The following LYPLAL1 variants were observed in gnomAD, a reference collection of about 807,000 sequenced individuals.
LYPLAL1 encodes lysophospholipase like 1.
Under a neutral mutation model 19.7 loss-of-function variants are expected in LYPLAL1, and 23 were observed. That is an observed-to-expected ratio of 1.17 (90% CI 0.84 to 1.65). LYPLAL1 has a LOEUF of 1.65. LYPLAL1 is among the 40% of genes most tolerant of loss of function. The probability of loss-of-function intolerance (pLI) is 0.00; values close to 1 mark genes in which losing one functional copy is unlikely to be tolerated. For missense variants in LYPLAL1, 355 were observed against 279.4 expected (o/e 1.27, Z -1.93); for synonymous variants, 119 against 96.3 (o/e 1.24, Z -1.38).
At chr1:219,444,157 G>T in the LYPLAL1 span, among the ~76,000 whole-genome samples, 1 of 152,216 alleles carries the variant, frequency 6.6e-6, no homozygotes, top group African/African-American at 2.4e-5. Flanking sequence ...TTAAGAAACA[G>T]TAGAACCCCC....
chr1:219,181,046 G>A (rs1656233536), intron 2 of LYPLAL1, among the ~76,000 whole-genome samples: 1 of 152,050 alleles, frequency 6.6e-6, no homozygotes, highest in African/African-American at 2.4e-5. Context: ...AAATTTAAAT[G>A]TTCTTGATAC....
At chr1:219,227,683 A>G in the LYPLAL1 span, among the ~76,000 whole-genome samples, 2 of 152,224 alleles carry the variant, frequency 1.3e-5, no homozygotes, top group Admixed American at 1.3e-4. Context: ...CATTTAAAAA[A>G]TTTAATCTTA....
chr1:219,296,340 G>A, the LYPLAL1 span, among the ~76,000 whole-genome samples: 1 of 152,194 alleles, frequency 6.6e-6, no homozygotes, highest in Non-Finnish European at 1.5e-5. Context: ...GGCCTCTGGG[G>A]TTCTGCACCT....
chr1:219,236,655 TA>T, the LYPLAL1 span, among the ~76,000 whole-genome samples: 1 of 152,236 alleles, frequency 6.6e-6, no homozygotes, highest in East Asian at 1.9e-4. Flanking sequence ...TGTGACAGTG[TA>T]AAGTATCAAA....
At chr1:219,264,214 A>G in the LYPLAL1 span, among the ~76,000 whole-genome samples, 1 of 152,212 alleles carries the variant, frequency 6.6e-6, no homozygotes, top group Non-Finnish European at 1.5e-5. Flanking sequence ...CTAACAGCTG[A>G]ATATTTACTA....
the LYPLAL1 span, among the ~76,000 whole-genome samples, chr1:219,319,867 A>G: frequency 3.9e-5 from 6 of 152,340 alleles, no homozygotes; most frequent in Middle Eastern, 3.4e-3. Flanking sequence ...AATAGTTAAC[A>G]TATCCATCCT....
the LYPLAL1 span, among the ~76,000 whole-genome samples, chr1:219,442,292 T>A: frequency 6.6e-6 from 1 of 152,210 alleles, no homozygotes; most frequent in Non-Finnish European, 1.5e-5. Context: ...AGTAAATAAA[T>A]GTTTTTGAAA....
At chr1:219,278,356 ACAATT>A in the LYPLAL1 span, among the ~76,000 whole-genome samples, 146 of 152,360 alleles carry the variant, frequency 9.6e-4, 1 homozygote, top group African/African-American at 2.7e-3. Context: ...AGAGAAAAAA[ACAATT>A]TAACAATTTA....
At chr1:219,319,557 T>C in the LYPLAL1 span, among the ~76,000 whole-genome samples, 1 of 152,120 alleles carries the variant, frequency 6.6e-6, no homozygotes, top group Non-Finnish European at 1.5e-5. Flanking sequence ...AAACCTTTTC[T>C]CCGCACTCCT....
At chr1:219,427,444 C>T in the LYPLAL1 span, among the ~76,000 whole-genome samples, 5 of 152,298 alleles carry the variant, frequency 3.3e-5, no homozygotes, top group Non-Finnish European at 5.9e-5. Context: ...TATATGCAGT[C>T]ATCCTGTGTG....
chr1:219,283,230 G>A, the LYPLAL1 span, among the ~76,000 whole-genome samples: 1 of 152,030 alleles, frequency 6.6e-6, no homozygotes, highest in East Asian at 1.9e-4. Context: ...GTGACAACAG[G>A]GCATGTTCTT....
At chr1:219,207,717 A>T (rs1435425477) in intron 3 of LYPLAL1, among the ~76,000 whole-genome samples, 2 of 151,694 alleles carry the variant, frequency 1.3e-5, no homozygotes, top group East Asian at 3.8e-4. Flanking sequence ...ATTTTATGAG[A>T]AGAATCAGCA....
intron 1 of LYPLAL1, among the ~76,000 whole-genome samples, chr1:219,177,373 A>C (rs1655903408): frequency 6.6e-6 from 1 of 152,154 alleles, no homozygotes; most frequent in South Asian, 2.1e-4. Flanking sequence ...TTGAGAAAGG[A>C]GTCTTTAATA....
At chr1:219,401,175 A>G in the LYPLAL1 span, among the ~76,000 whole-genome samples, 1 of 152,028 alleles carries the variant, frequency 6.6e-6, no homozygotes, top group South Asian at 2.1e-4. Flanking sequence ...AATTGCTCTC[A>G]TCAATTTTTG....
the LYPLAL1 span, among the ~76,000 whole-genome samples, chr1:219,292,803 A>G: frequency 6.6e-6 from 1 of 152,174 alleles, no homozygotes; most frequent in Non-Finnish European, 1.5e-5. Context: ...GTGTGTTGAG[A>G]TAGAGAGGCA....
the LYPLAL1 span, among the ~76,000 whole-genome samples, chr1:219,228,763 T>A: frequency 6.6e-6 from 1 of 151,992 alleles, no homozygotes; most frequent in Non-Finnish European, 1.5e-5. Context: ...CACCACAACC[T>A]CCGCCTCCCA....
chr1:219,360,300 G>A, the LYPLAL1 span, among the ~76,000 whole-genome samples: 1 of 152,092 alleles, frequency 6.6e-6, no homozygotes, highest in African/African-American at 2.4e-5. Context: ...ATAAATTTTA[G>A]TTATCCCTCT....
the LYPLAL1 span, among the ~76,000 whole-genome samples, chr1:219,420,080 C>G: frequency 6.6e-6 from 1 of 152,206 alleles, no homozygotes; most frequent in Admixed American, 6.5e-5. Flanking sequence ...GAGTAACTTT[C>G]AGCAGGGAAA....
chr1:219,247,314 T>G, the LYPLAL1 span, among the ~76,000 whole-genome samples: 10 of 152,314 alleles, frequency 6.6e-5, no homozygotes, highest in South Asian at 2.1e-3. Context: ...TTTGTTAAAT[T>G]AAAAAGTGCA....
Sources: allele counts gnomAD v4.1 joint callset (sites outside exome capture counted in the v4.1 genomes callset), GRCh38; gene constraint gnomAD v4.1.1; transcripts MANE v1.5; gene names NCBI Gene and HGNC (gene_info 2026-07-23, HGNC 2026-07-21).